ATP6V0E1: variants seen among roughly 807,000 people sequenced by gnomAD.
ATP6V0E1 encodes ATPase H+ transporting V0 subunit e1, also known as V-type proton ATPase subunit e 1.
Under a neutral mutation model 11.6 loss-of-function variants are expected in ATP6V0E1, and 4 were observed. The observed-to-expected ratio is 0.35, with a 90% CI of 0.17 to 0.79. ATP6V0E1 has a LOEUF of 0.79. ATP6V0E1 is among the 30% of genes least tolerant of loss of function. The pLI is 0.54. For synonymous variants in ATP6V0E1, 36 were observed against 34.8 expected (o/e 1.04, Z -0.13); for missense variants, 105 against 100.0 (o/e 1.05, Z -0.21).
chr5:173,024,003 T>C (rs749110622), intron 3 of ATP6V0E1, among the ~76,000 whole-genome samples: 1 of 151,790 alleles, frequency 6.6e-6, no homozygotes, highest in East Asian at 1.9e-4. Context: ...GAGACCATCA[T>C]GGCTAACACG....
At chr5:173,033,071 C>T (rs960261746) in intron 3 of ATP6V0E1, among the ~76,000 whole-genome samples, 1 of 152,122 alleles carries the variant, frequency 6.6e-6, no homozygotes, top group Non-Finnish European at 1.5e-5. Flanking sequence ...CACTCCAGGG[C>T]AGGTGAGAGA....
chr5:173,012,783 A>G (rs1012969204), intron 2 of ATP6V0E1, among the ~76,000 whole-genome samples: 3 of 152,074 alleles, frequency 2.0e-5, no homozygotes, highest in Non-Finnish European at 4.4e-5. Context: ...AGATTTAAAC[A>G]TAAGACCTGA....
At chr5:173,014,165 A>G (rs1257425358) in intron 2 of ATP6V0E1, among the ~76,000 whole-genome samples, 1 of 151,596 alleles carries the variant, frequency 6.6e-6, no homozygotes, top group Non-Finnish European at 1.5e-5. Context: ...CATCTTAAAA[A>G]AAAAAAAAAA....
chr5:172,999,383 G>C (rs1756118853), intron 2 of ATP6V0E1, among the ~76,000 whole-genome samples: 2 of 151,948 alleles, frequency 1.3e-5, no homozygotes, highest in Admixed American at 6.6e-5. Flanking sequence ...GAGTGCATTG[G>C]CACTACCATA....
At chr5:172,988,410 C>T (rs1227615769) in intron 1 of ATP6V0E1, among the ~76,000 whole-genome samples, 2 of 152,118 alleles carry the variant, frequency 1.3e-5, no homozygotes, top group Non-Finnish European at 2.9e-5. Context: ...GTGACCTTGA[C>T]GATTTAGTTA....
chr5:173,022,478 T>TC (rs1290740380), intron 3 of ATP6V0E1, among the ~76,000 whole-genome samples: 1 of 152,152 alleles, frequency 6.6e-6, no homozygotes, highest in African/African-American at 2.4e-5. Context: ...GTTTTTTGTT[T>TC]TTGTTTTTGT....
intron 3 of ATP6V0E1, among the ~76,000 whole-genome samples, chr5:173,024,197 CAAAA>C (rs56837002): frequency 8.2e-5 from 6 of 73,476 alleles, no homozygotes; most frequent in Admixed American, 3.3e-4. Flanking sequence ...GACTCCGTCT[CAAAA>C]AAAAAAAAAA....
At chr5:173,031,419 CTTTTTTT>C (rs564495625) in intron 3 of ATP6V0E1, among the ~76,000 whole-genome samples, 2 of 129,088 alleles carry the variant, frequency 1.5e-5, no homozygotes, top group Non-Finnish European at 3.3e-5. Context: ...CCTTATGACT[CTTTTTTT>C]TTTTTTTTTT....
intron 3 of ATP6V0E1, among the ~76,000 whole-genome samples, chr5:173,022,427 A>G (rs1756500020): frequency 6.6e-6 from 1 of 152,120 alleles, no homozygotes; most frequent in Non-Finnish European, 1.5e-5. Flanking sequence ...TGAATTAATC[A>G]TTTTAGTTGA....
At chr5:173,019,675 C>G (rs1756451819) in intron 2 of ATP6V0E1, among the ~76,000 whole-genome samples, 1 of 152,108 alleles carries the variant, frequency 6.6e-6, no homozygotes. Context: ...AAGGTAAATG[C>G]CCATTCTGTT....
intron 1 of ATP6V0E1, chr5:172,986,707 A>C (rs1360197092): frequency 1.1e-5 from 5 of 453,492 alleles, no homozygotes; most frequent in Non-Finnish European, 2.2e-5. Context: ...TGGCAGGAAG[A>C]AGCCCCTGAA....
chr5:173,029,282 C>T lies in ATP6V0E1; in HGVS notation c.*37-5117C>T, dbSNP rs146615164. 3.4e-4 allele frequency among the ~76,000 whole-genome samples: 51 copies of T among 152,222 alleles called. 1 individual carries two copies. The East Asian group carries it at 9.1e-3, about 27-fold the overall frequency. On this transcript the variant is annotated intron_variant, in intron 3 of 3. Coordinates refer to ENST00000519374, the MANE Select transcript of ATP6V0E1 (RefSeq NM_003945.4). ...TGGTTAAAAAGTAAATCTTTTACTCCGAGTACTCTGGCTGGGTATTCTGCT... is the reference window on the plus strand; with the variant it reads ...TGGTTAAAAAGTAAATCTTTTACTCTGAGTACTCTGGCTGGGTATTCTGCT...
intron 2 of ATP6V0E1, among the ~76,000 whole-genome samples, chr5:172,997,877 G>C (rs938678030): frequency 1.3e-5 from 2 of 152,106 alleles, no homozygotes; most frequent in African/African-American, 4.8e-5. Flanking sequence ...ACCACTTTGG[G>C]AAGCTGAGGC....
At chr5:173,017,856 A>AAAAAAAG (rs1756427954) in intron 2 of ATP6V0E1, among the ~76,000 whole-genome samples, 2 of 146,266 alleles carry the variant, frequency 1.4e-5, no homozygotes, top group African/African-American at 5.4e-5. Context: ...AAAAAAAAAA[A>AAAAAAAG]AAAAGAAAAG....
chr5:173,027,297 C>T (rs1028584650), intron 3 of ATP6V0E1, among the ~76,000 whole-genome samples: 1 of 143,378 alleles, frequency 7.0e-6, no homozygotes, highest in East Asian at 2.0e-4. Context: ...ACCATCCTGG[C>T]TAACACGGTG....
At chr5:173,009,064 A>T (rs1353866865) in intron 2 of ATP6V0E1, among the ~76,000 whole-genome samples, 1 of 149,838 alleles carries the variant, frequency 6.7e-6, no homozygotes, top group Non-Finnish European at 1.5e-5. Context: ...CGTCTCTAAT[A>T]AAAATAGAAA....
chr5:172,996,838 TCC>T (rs1756074469), intron 2 of ATP6V0E1, among the ~76,000 whole-genome samples: 1 of 151,896 alleles, frequency 6.6e-6, no homozygotes, highest in South Asian at 2.1e-4. Flanking sequence ...ATAAAACAAA[TCC>T]AGATTTTTAA....
At chr5:172,992,570 C>T (rs1367199440) in intron 1 of ATP6V0E1, among the ~76,000 whole-genome samples, 12 of 152,090 alleles carry the variant, frequency 7.9e-5, no homozygotes, top group Admixed American at 7.2e-4. Context: ...TGCACTGAGA[C>T]GCCACCTCCT....
In ATP6V0E1 at chr5:173,011,175, CTTTTTTT is replaced by C. The variant is rs754605378; in HGVS notation, c.153-9045_153-9039del. ...TGAATCCCTAGGCTGCCTGATTTATCTTTTTTTTTTTTTTTTTTTTTTTTGAAACAGG... is the reference window on the plus strand; with the variant it reads ...TGAATCCCTAGGCTGCCTGATTTATCTTTTTTTTTTTTTTTTTGAAACAGG... On this transcript the variant is annotated intron_variant, in intron 2 of 3. Transcript: ENST00000519374. Among the ~76,000 whole-genome samples the C allele has an allele frequency of 4.7e-3, 544 of 114,710 alleles. 2 individuals are homozygous for C. The highest frequency in any genetic ancestry group is 0.015 in the African/African-American group (491 of 31,940). 75.3% of individuals were successfully genotyped at this position (114,710 alleles called of 152,430 possible).
Sources: gnomAD v4.1 joint callset for allele counts (sites outside exome capture counted in the v4.1 genomes callset) on GRCh38, gnomAD v4.1.1 for gene constraint, MANE v1.5 for transcripts, NCBI Gene and HGNC (gene_info 2026-07-23, HGNC 2026-07-21) for gene names.